Variants in TNXB observed in about 807,000 individuals in gnomAD.
TNXB encodes the protein tenascin-X.
In TNXB, 183 loss-of-function variants were observed where a neutral mutation model predicts 340.5. That is an observed-to-expected ratio of 0.54 (90% CI 0.48 to 0.61). The LOEUF is 0.61. Among genes scored for constraint, TNXB ranks in the 20% least tolerant of loss-of-function variants. The probability of loss-of-function intolerance (pLI) is 0.00; values close to 1 mark genes in which losing one functional copy is unlikely to be tolerated. For synonymous variants in TNXB, 2,121 were observed against 2,314.5 expected (o/e 0.92, Z 2.40); for missense variants, 4,613 against 5,446.4 (o/e 0.85, Z 4.82).
At position 32,061,413 on chromosome 6, in the gene TNXB, G is replaced by A; in HGVS notation, c.7476C>T (p.Ser2492=). The change falls in exon 21 of 44, where the codon TCC becomes TCT. Residue 2492 remains serine, a synonymous_variant. Transcript: ENST00000644971. The surrounding 1 kb of genome is among the most constrained non-coding windows in gnomAD (Gnocchi z 4.4). ...LHEGRRVGPV[S]TVGVTAPQED... ...ACTACTCACCAGTCACGCCCACGGT[G>A]GACACCGGGCCCACGCGCCGCCCCT... 1.2e-6 allele frequency: 2 copies of A among 1,612,476 alleles called. No individual in the cohort carries two copies. Among genetic ancestry groups the A allele is most frequent in the South Asian group, 1.1e-5 (1 of 91,052 alleles).
chr6:32,099,231 CTCACTT>C (rs1423579170), intron 1 of TNXB, among the ~76,000 whole-genome samples: 71 of 97,700 alleles, frequency 7.3e-4, no homozygotes, highest in African/African-American at 2.1e-3. Context: ...CCCTCTCTCT[CTCACTT>C]TTTTTTTTTT....
chr6:32,062,442 G>T lies in TNXB; in HGVS notation c.6883C>A (p.Pro2295Thr), dbSNP rs747151051. 3.7e-6 allele frequency: 6 copies of T among 1,611,162 alleles called. No homozygotes were observed. The Admixed American group carries it at 8.3e-5, about 22-fold the overall frequency. ...TTGATGGGGGGTTCAGGGGTGGGAGGTTCTGTCGAGGCTGGGGCCATTTCT... is the reference window on the plus strand; with the variant it reads ...TTGATGGGGGGTTCAGGGGTGGGAGTTTCTGTCGAGGCTGGGGCCATTTCT... Reference protein sequence around the residue: ...DEEMAPASTEPPTPEPPIKPR... With the variant: ...DEEMAPASTETPTPEPPIKPR... Residue 2295 changes from proline (P) to threonine (T), a missense_variant, in exon 20 of 44, where the codon CCT becomes ACT. Around this residue, in one of 7 missense-constraint regions of TNXB, gnomAD observed 4,327 missense variants for 4,859.4 expected, o/e 0.89. Transcript: ENST00000644971. The surrounding 1 kb of genome is among the most constrained non-coding windows in gnomAD (Gnocchi z 4.3).
chr6:32,093,759 G>A (rs1235843991), intron 4 of TNXB, among the ~76,000 whole-genome samples: 1 of 152,144 alleles, frequency 6.6e-6, no homozygotes, highest in Non-Finnish European at 1.5e-5. Flanking sequence ...GTGACCACAA[G>A]GCTTTGTCCT....
rs1266458057 is a variant in TNXB at position 32,081,698 on chromosome 6, G to A, written c.3737-25C>T. 6.5e-7 allele frequency: 1 copy of A among 1,540,626 alleles called. No homozygotes were observed. Among genetic ancestry groups the A allele is most frequent in the Non-Finnish European group, 8.8e-7 (1 of 1,138,722 alleles). On this transcript the variant is annotated intron_variant, in intron 9 of 43. Transcript: ENST00000644971. The surrounding 1 kb of genome is among the most constrained non-coding windows in gnomAD (Gnocchi z 5.1). ...GCTGTAAACAAGGAGATCCAGCCAGGTGCTGAACTGGCAGCCTGGGACTGG... is the reference window on the plus strand; with the variant it reads ...GCTGTAAACAAGGAGATCCAGCCAGATGCTGAACTGGCAGCCTGGGACTGG...
At chr6:32,066,292 G>A (rs557699833) in intron 18 of TNXB, among the ~76,000 whole-genome samples, 38 of 152,138 alleles carry the variant, frequency 2.5e-4, no homozygotes, top group Non-Finnish European at 5.1e-4. Context: ...TACCTGGGGG[G>A]CTGAGATGGG....
chr6:32,108,480 A>G lies in TNXB; in HGVS notation c.-9+701T>C, dbSNP rs1212081410. Among the ~76,000 whole-genome samples the G allele has an allele frequency of 1.3e-5, 2 of 152,064 alleles. No individual in the cohort carries two copies. The highest frequency in any genetic ancestry group is 2.9e-5 in the Non-Finnish European group (2 of 67,996). On this transcript the variant is annotated intron_variant, in intron 1 of 43. Transcript: ENST00000644971. This position sits in a 1 kb window ranked among gnomAD's most constrained non-coding sequence, Gnocchi z 4.8. Reference sequence around the variant, plus strand: ...CCCAGAGGCATCTCTCAGCCATCCCAGCCCTGCTGAACCGTGAGTCATGAG... The same window carrying G: ...CCCAGAGGCATCTCTCAGCCATCCCGGCCCTGCTGAACCGTGAGTCATGAG...
In TNXB at chr6:32,047,816, C is replaced by G; in HGVS notation, c.10242G>C (p.Glu3414Asp). The change falls in exon 30 of 44, where the codon GAG (glutamate) becomes GAC (aspartate). Residue 3414 changes from glutamate (E) to aspartate (D), a missense_variant. Coordinates refer to ENST00000644971, the MANE Select transcript of TNXB (RefSeq NM_001365276.2). This position sits in a 1 kb window ranked among gnomAD's most constrained non-coding sequence, Gnocchi z 6.2. ...GCAGGAACCTGTATTTCCTACTGGG[C>G]TCCAGGCCCTGGACTGTGACCTCCC... Reference protein sequence around the residue: ...NQREVTVQGLEPSRKYRFLLY... With the variant: ...NQREVTVQGLDPSRKYRFLLY... The G allele has an allele frequency of 1.9e-6, 3 of 1,611,138 alleles. No homozygotes were observed. The highest frequency in any genetic ancestry group is 2.5e-6 in the Non-Finnish European group (3 of 1,179,164).
chr6:32,053,477 C>G lies in TNXB; in HGVS notation c.8702G>C (p.Gly2901Ala). 6.2e-7 allele frequency: 1 copy of G among 1,613,414 alleles called. No individual in the cohort carries two copies. The highest frequency in any genetic ancestry group is 8.5e-7 in the Non-Finnish European group (1 of 1,179,886). The stretch of plus-strand genomic sequence containing the variant: ...CTTGTACTTGTGGTCTGGCTCCAGG[C>G]CTGAGATGGTGACCCCGTCCTCGTG... ...PGHEDGVTIS[G>A]LEPDHKYKMN... is the part of the protein sequence containing the mutation. The change falls in exon 25 of 44, where the codon GGC (glycine) becomes GCC (alanine). Residue 2901 changes from glycine to alanine, a missense_variant. Coordinates refer to ENST00000644971, the MANE Select transcript of TNXB (RefSeq NM_001365276.2).
Position 32,067,741 on chromosome 6 carries a change from G to A in TNXB, c.6464C>T (p.Pro2155Leu). 1.2e-6 allele frequency: 2 copies of A among 1,613,838 alleles called. No individual in the cohort carries two copies. Among genetic ancestry groups the A allele is most frequent in the Non-Finnish European group, 1.7e-6 (2 of 1,179,884 alleles). ...CAGGTGCATCTTGTACTTGCGCCCAGGCTCCAGGCCCCCCACGGTGACTTC... is the reference window on the plus strand; with the variant it reads ...CAGGTGCATCTTGTACTTGCGCCCAAGCTCCAGGCCCCCCACGGTGACTTC... ...ESEVTVGGLE[P>L]GRKYKMHLYG... The change falls in exon 18 of 44, where the codon CCT becomes CTT. Residue 2155 changes from proline (P) to leucine (L), a missense_variant. Around this residue, in one of 7 missense-constraint regions of TNXB, gnomAD observed 4,327 missense variants for 4,859.4 expected, o/e 0.89. Coordinates refer to ENST00000644971, the MANE Select transcript of TNXB (RefSeq NM_001365276.2). The surrounding 1 kb of genome is among the most constrained non-coding windows in gnomAD (Gnocchi z 4.2).
At position 32,049,780 on chromosome 6, in the gene TNXB, C is replaced by G. The variant is rs957392345; in HGVS notation, c.9440-193G>C. Among the ~76,000 whole-genome samples, 89 of 152,248 alleles carry G rather than the reference C, an allele frequency of 5.8e-4. No individual in the cohort carries two copies. Among genetic ancestry groups the G allele is most frequent in the Non-Finnish European group, 1.1e-3 (75 of 68,000 alleles). On this transcript the variant is annotated intron_variant, in intron 27 of 43. Transcript: ENST00000644971. The surrounding 1 kb of genome is among the most constrained non-coding windows in gnomAD (Gnocchi z 4.5). ...CCAGGGTCAGCTGTGGGGGACCTGG[C>G]ACAGCCACCAGCACAGCAAAACTCC...
chr6:32,047,997 G>A lies in TNXB; in HGVS notation c.10061C>T (p.Pro3354Leu), dbSNP rs1458413694. 11 of 1,604,408 alleles carry A rather than the reference G, an allele frequency of 6.9e-6. No homozygotes were observed. The highest frequency in any genetic ancestry group is 8.5e-6 in the Non-Finnish European group (10 of 1,175,414). ...AGTCAGCTCCCCCAGGCGGGGAGAC[G>A]GTTTGGTGTCTGGGGCTGGAAAAGA... ...VEARTAPDTK[P>L]SPRLGELTVT... The change falls in exon 30 of 44, where the codon CCG (proline) becomes CTG (leucine). Residue 3354 changes from proline (P) to leucine (L), a missense_variant. Physicochemically the swap from Pro to Leu is moderately conservative, Grantham distance 98. This residue lies in a region of TNXB where 4,327 missense variants were observed against 4,859.4 expected (regional missense o/e 0.89). Transcript: ENST00000644971. The surrounding 1 kb of genome is among the most constrained non-coding windows in gnomAD (Gnocchi z 6.2).
chr6:32,100,294 G>A (rs1425683866), intron 1 of TNXB, among the ~76,000 whole-genome samples: 1 of 151,954 alleles, frequency 6.6e-6, no homozygotes, highest in African/African-American at 2.4e-5. Context: ...TAGTAGAGAC[G>A]GGGCTTCACT....
intron 1 of TNXB, among the ~76,000 whole-genome samples, chr6:32,101,154 T>A (rs1780701918): frequency 6.6e-6 from 1 of 150,740 alleles, no homozygotes; most frequent in South Asian, 2.1e-4. Flanking sequence ...TTTTAAATTG[T>A]CAAAAGACAA....
intron 1 of TNXB, among the ~76,000 whole-genome samples, chr6:32,105,533 CAATA>C (rs1201915787): frequency 2.6e-5 from 4 of 151,964 alleles, no homozygotes; most frequent in Admixed American, 6.6e-5. Flanking sequence ...AACTGGTGCT[CAATA>C]AATATTTACC....
In TNXB at chr6:32,079,347, T is replaced by A. The variant is rs746592378; in HGVS notation, c.4061A>T (p.Asp1354Val). Residue 1354 changes from aspartate (D) to valine (V), a missense_variant, in exon 11 of 44, where the codon GAC (aspartate) becomes GTC (valine). This residue lies in a region of TNXB where 4,327 missense variants were observed against 4,859.4 expected (regional missense o/e 0.89). Coordinates refer to ENST00000644971, the MANE Select transcript of TNXB (RefSeq NM_001365276.2). This position sits in a 1 kb window ranked among gnomAD's most constrained non-coding sequence, Gnocchi z 7.1. ...CAGTTCTGTGGGGCTGGGGGTCTCG[T>A]CCACATCCTCCTGAGGAGCTGAGAG... ...VAKTAPQEDV[D>V]ETPSPTELGT... The A allele has an allele frequency of 1.2e-6, 2 of 1,608,580 alleles. No homozygotes were observed. The highest frequency in any genetic ancestry group is 8.5e-7 in the Non-Finnish European group (1 of 1,177,426).
chr6:32,093,097 T>C (rs1263332595), intron 4 of TNXB: 1 of 458,468 alleles, frequency 2.2e-6, no homozygotes, highest in African/African-American at 2.0e-5. Context: ...GCTCCTCTTA[T>C]CTCAAGTGTT....
rs1465505896 is a variant in TNXB, at chr6:32,089,136, C to T, written c.2515+87G>A. The T allele has an allele frequency of 1.3e-6, 2 of 1,571,728 alleles. No homozygotes were observed. The highest frequency in any genetic ancestry group is 1.3e-5 in the African/African-American group (1 of 74,098). ...CCAAGAGCCTAGCCCCCATCCAGCC[C>T]CTTCCTTCTGCCCTCCCGGAGGGCA... On this transcript the variant is annotated intron_variant, in intron 5 of 43. Transcript: ENST00000644971. This position sits in a 1 kb window ranked among gnomAD's most constrained non-coding sequence, Gnocchi z 6.2.
chr6:32,103,781 A>G (rs1363388893), intron 1 of TNXB, among the ~76,000 whole-genome samples: 2 of 132,986 alleles, frequency 1.5e-5, no homozygotes, highest in Non-Finnish European at 3.1e-5. Context: ...CCCAGGCTGG[A>G]GTGCAGTGGC....
chr6:32,096,634 C>T lies in TNXB; in HGVS notation c.1219G>A (p.Asp407Asn), dbSNP rs1397746200. 1.3e-6 allele frequency: 2 copies of T among 1,549,314 alleles called. No individual in the cohort carries two copies. ...DDCGVRSCPG[D>N]CNQRGRCEDG... ...TCGCAGCGGCCCCTTTGGTTGCAGT[C>T]GCCAGGGCAGCTGCGCACGCCGCAG... Residue 407 changes from aspartate to asparagine, a missense_variant, in exon 3 of 44, where the codon GAC becomes AAC. Asp to Asn is a conservative substitution (Grantham distance 23). This residue lies in a region of TNXB where 4,327 missense variants were observed against 4,859.4 expected (regional missense o/e 0.89). Coordinates refer to ENST00000644971, the MANE Select transcript of TNXB (RefSeq NM_001365276.2).
Sources: gnomAD v4.1 joint callset for allele counts (sites outside exome capture counted in the v4.1 genomes callset) on GRCh38, gnomAD v4.1.1 for gene constraint, gnomAD v4.1.1 regional missense constraint, Gnocchi (gnomAD v3.1) non-coding constraint, MANE v1.5 for transcripts, NCBI Gene and HGNC (gene_info 2026-07-23, HGNC 2026-07-21) for gene names.